Variants in RTRAF observed in about 807,000 individuals in gnomAD.
The protein encoded by RTRAF is tRNA-splicing ligase complex subunit RTRAF.
A neutral mutation model predicts 34.4 loss-of-function variants in RTRAF; 14 were observed. That is an observed-to-expected ratio of 0.41 (90% CI 0.27 to 0.64). RTRAF has a LOEUF of 0.64. Among genes scored for constraint, RTRAF ranks in the 30% least tolerant of loss-of-function variants. RTRAF has a pLI of 0.34. For missense variants in RTRAF, 291 were observed against 288.4 expected (o/e 1.01, Z -0.06); for synonymous variants, 96 against 95.3 (o/e 1.01, Z -0.04).
chr14:52,005,807 A>G lies in RTRAF; in HGVS notation c.*1291A>G. On this transcript the variant is annotated 3_prime_UTR_variant, in exon 8 of 8. Coordinates refer to ENST00000261700, the MANE Select transcript of RTRAF (RefSeq NM_016039.3). ...ATCGTTGTTCTGGGAGATACTCATC[A>G]GTAAACTGGCCACTATGTTTATTTA... The G allele has an allele frequency of 6.2e-7, 1 of 1,613,926 alleles. No homozygotes were observed. The highest frequency in any genetic ancestry group is 8.5e-7 in the Non-Finnish European group (1 of 1,179,780).
intron 3 of RTRAF, among the ~76,000 whole-genome samples, chr14:51,996,890 C>G (rs1348448811): frequency 1.3e-5 from 2 of 152,006 alleles, no homozygotes; most frequent in East Asian, 3.8e-4. Flanking sequence ...AAATCTGGAA[C>G]AGTTCCTGTC....
intron 2 of RTRAF, among the ~76,000 whole-genome samples, chr14:51,992,102 A>T (rs1356728944): frequency 6.6e-6 from 1 of 152,224 alleles, no homozygotes; most frequent in Admixed American, 6.5e-5. Flanking sequence ...ATGCTAGGGA[A>T]ATAGTCCTTA....
intron 4 of RTRAF, among the ~76,000 whole-genome samples, chr14:51,999,122 A>T (rs1890565834): frequency 6.6e-6 from 1 of 151,954 alleles, no homozygotes; most frequent in Non-Finnish European, 1.5e-5. Context: ...CTATCCATGG[A>T]GGGGATCTAT....
In RTRAF at chr14:52,004,545, C is replaced by T. The variant is rs1566735485; in HGVS notation, c.*29C>T. The stretch of plus-strand genomic sequence containing the variant: ...CTTGAGGACTTCAGCTTCTCACCTA[C>T]TTAGTACAGTTGGGAACCATACACT... On this transcript the variant is annotated 3_prime_UTR_variant, in exon 8 of 8. Transcript: ENST00000261700. The T allele has an allele frequency of 5.6e-6, 9 of 1,602,782 alleles. No individual in the cohort carries two copies. Among genetic ancestry groups the T allele is most frequent in the Non-Finnish European group, 6.8e-6 (8 of 1,174,482 alleles).
intron 3 of RTRAF, among the ~76,000 whole-genome samples, chr14:51,995,287 C>T (rs140905674): frequency 2.0e-5 from 3 of 152,052 alleles, no homozygotes; most frequent in African/African-American, 7.2e-5. Flanking sequence ...TGGAGGCTCT[C>T]GGGGGAATCT....
rs1195749738 is a variant in RTRAF at position 52,010,085 on chromosome 14, G to A, written c.*5569G>A. ...GTTTTTAAGAGGGCTATTAATTCCT[G>A]TTAAGTCAACTGGAATAGAGAAGGA... On this transcript the variant is annotated 3_prime_UTR_variant, in exon 8 of 8. Coordinates refer to ENST00000261700, the MANE Select transcript of RTRAF (RefSeq NM_016039.3). 3 of 152,240 alleles carry A rather than the reference G, an allele frequency of 2.0e-5. No homozygotes were observed. Among genetic ancestry groups the A allele is most frequent in the African/African-American group, 2.4e-5 (1 of 41,462 alleles). 9.4% of individuals were successfully genotyped at this position (152,240 alleles called of 1,614,324 possible).
chr14:52,000,139 A>C (rs941732578), intron 5 of RTRAF, among the ~76,000 whole-genome samples: 3 of 152,154 alleles, frequency 2.0e-5, no homozygotes, highest in African/African-American at 7.2e-5. Flanking sequence ...GATTTTAAGC[A>C]CTATAACCCT....
intron 3 of RTRAF, chr14:51,998,150 A>G (rs1035644259): frequency 1.2e-5 from 2 of 165,186 alleles, no homozygotes; most frequent in African/African-American, 4.8e-5. Context: ...ACATGAGGAC[A>G]CAAGTAGAAA....
intron 3 of RTRAF, among the ~76,000 whole-genome samples, chr14:51,997,127 G>C (rs1890533436): frequency 6.6e-6 from 1 of 151,940 alleles, no homozygotes; most frequent in African/African-American, 2.4e-5. Context: ...CCACTGTAAA[G>C]TTACTATTTT....
At chr14:51,997,390 T>G (rs1413814299) in intron 3 of RTRAF, among the ~76,000 whole-genome samples, 1 of 151,972 alleles carries the variant, frequency 6.6e-6, no homozygotes, top group African/African-American at 2.4e-5. Flanking sequence ...GGATTTTTAT[T>G]TTATTCAATG....
chr14:51,991,676 A>G (rs113738821), intron 2 of RTRAF, among the ~76,000 whole-genome samples: 125 of 152,358 alleles, frequency 8.2e-4, no homozygotes, highest in African/African-American at 2.8e-3. Flanking sequence ...CTCTAGAAAC[A>G]TGAAGTTTCT....
rs138102499 is a variant in RTRAF at position 52,007,837 on chromosome 14, A to C, written c.*3321A>C. On this transcript the variant is annotated 3_prime_UTR_variant, in exon 8 of 8. Coordinates refer to ENST00000261700, the MANE Select transcript of RTRAF (RefSeq NM_016039.3). ...GCATCTGCCCAGCAGAGCAGTTTAGAGAAAGGGTCAAAGGTTAAGCCATTG... is the reference window on the plus strand; with the variant it reads ...GCATCTGCCCAGCAGAGCAGTTTAGCGAAAGGGTCAAAGGTTAAGCCATTG... 3.7e-6 allele frequency: 6 copies of C among 1,613,972 alleles called. No individual in the cohort carries two copies. Among genetic ancestry groups the C allele is most frequent in the Non-Finnish European group, 5.1e-6 (6 of 1,179,946 alleles).
At chr14:51,991,556 A>G (rs913237539) in intron 2 of RTRAF, 115 bp downstream of exon 2, 3 of 1,250,628 alleles carry the variant, frequency 2.4e-6, no homozygotes, top group Non-Finnish European at 3.3e-6. Flanking sequence ...CAGTGTTAGG[A>G]AAGCTGGATT....
In RTRAF at chr14:52,008,843, G is replaced by C. The variant is rs1890895348; in HGVS notation, c.*4327G>C. On this transcript the variant is annotated 3_prime_UTR_variant, in exon 8 of 8. Coordinates refer to ENST00000261700, the MANE Select transcript of RTRAF (RefSeq NM_016039.3). Reference sequence around the variant, plus strand: ...CAAAAATACAATTTGGTACTTGAAGGGGTACCTGGCACCCAGGGATGGAAA... The same window carrying C: ...CAAAAATACAATTTGGTACTTGAAGCGGTACCTGGCACCCAGGGATGGAAA... The C allele has an allele frequency of 6.6e-6, 1 of 152,176 alleles. No individual in the cohort carries two copies. Among genetic ancestry groups the C allele is most frequent in the Non-Finnish European group, 1.5e-5 (1 of 68,018 alleles). The allele number at this position is 152,176 out of a possible 1,614,324, so 9.4% of individuals were successfully genotyped here. A position where few individuals can be genotyped will look rare whatever the true frequency, so the allele number is the denominator to read the frequency against.
Position 52,007,616 on chromosome 14 carries a change from C to A in RTRAF, c.*3100C>A. 1 of 589,784 alleles carries A rather than the reference C, an allele frequency of 1.7e-6. No individual in the cohort carries two copies. Among genetic ancestry groups the A allele is most frequent in the Non-Finnish European group, 3.0e-6 (1 of 335,282 alleles). 36.5% of individuals were successfully genotyped at this position (589,784 alleles called of 1,614,324 possible). A position where few individuals can be genotyped will look rare whatever the true frequency, so the allele number is the denominator to read the frequency against. On this transcript the variant is annotated 3_prime_UTR_variant, in exon 8 of 8. Coordinates refer to ENST00000261700, the MANE Select transcript of RTRAF (RefSeq NM_016039.3). ...GTACAAACTTACTGCTTGATATATC[C>A]TTCCCTCCACCCAAACCCCAGAAAG...
intron 3 of RTRAF, among the ~76,000 whole-genome samples, chr14:51,995,163 T>G (rs1332024487): frequency 6.6e-6 from 1 of 152,114 alleles, no homozygotes; most frequent in Non-Finnish European, 1.5e-5. Context: ...ATTGATGCTG[T>G]AACAAATTAC....
chr14:51,998,947 C>T (rs1488167768), intron 4 of RTRAF, among the ~76,000 whole-genome samples: 1 of 151,810 alleles, frequency 6.6e-6, no homozygotes, highest in African/African-American at 2.4e-5. Flanking sequence ...TTAGTAATTT[C>T]CCTTTTTAAA....
In RTRAF at chr14:52,005,815, G is replaced by C. The variant is rs1479261799; in HGVS notation, c.*1299G>C. ...TCTGGGAGATACTCATCAGTAAACT[G>C]GCCACTATGTTTATTTACTGATACA... On this transcript the variant is annotated 3_prime_UTR_variant, in exon 8 of 8. Coordinates refer to ENST00000261700, the MANE Select transcript of RTRAF (RefSeq NM_016039.3). 12 of 1,613,434 alleles carry C rather than the reference G, an allele frequency of 7.4e-6. No individual in the cohort carries two copies. Among genetic ancestry groups the C allele is most frequent in the Non-Finnish European group, 1.0e-5 (12 of 1,179,526 alleles).
intron 6 of RTRAF, among the ~76,000 whole-genome samples, chr14:52,002,503 A>T (rs543113813): frequency 6.6e-6 from 1 of 152,234 alleles, no homozygotes; most frequent in Non-Finnish European, 1.5e-5. Context: ...TTCAAGGTAC[A>T]GGTGACTGAA....
Sources: allele counts gnomAD v4.1 joint callset (sites outside exome capture counted in the v4.1 genomes callset), GRCh38; gene constraint gnomAD v4.1.1; transcripts MANE v1.5; gene names NCBI Gene and HGNC (gene_info 2026-07-23, HGNC 2026-07-21).